The following NSUN6 variants were observed in gnomAD, a reference collection of about 807,000 sequenced individuals.
The protein encoded by NSUN6 is NOP2/Sun RNA methyltransferase 6.
A neutral mutation model predicts 58.0 loss-of-function variants in NSUN6; 64 were observed. The observed-to-expected ratio is 1.10, with a 90% CI of 0.90 to 1.36. The LOEUF (loss-of-function observed/expected upper bound fraction) is 1.36, where lower values mean the gene tolerates loss of function less well. Ranked by LOEUF, NSUN6 falls within the 40% of genes most tolerant of loss-of-function variation. The pLI is 0.00. For missense variants in NSUN6, 701 were observed against 550.1 expected (o/e 1.27, Z -2.74); for synonymous variants, 231 against 193.9 (o/e 1.19, Z -1.59).
In NSUN6 at chr10:18,600,959, T is replaced by TATATAC; in HGVS notation, c.658-4633_658-4632insGTATAT. ...AAAAAAAAATATATATATATATATA[T>TATATAC]ACATATATATATATATATGTATATA... is the stretch of plus-strand genomic sequence containing the variant. On this transcript the variant is annotated intron_variant, in intron 6 of 10. Transcript: ENST00000377304. 6.3e-4 allele frequency among the ~76,000 whole-genome samples: 41 copies of TATATAC among 64,882 alleles called. 1 individual carries two copies. In the East Asian group the frequency reaches 7.1e-3, roughly 11 times the overall value. The allele number at this position is 64,882 out of a possible 152,430, so 42.6% of individuals were successfully genotyped here.
Position 18,546,028 on chromosome 10 carries a change from G to GA in NSUN6, c.1314dup (p.Leu439SerfsTer2). 1 of 1,597,402 alleles carries GA rather than the reference G, an allele frequency of 6.3e-7. No homozygotes were observed. The highest frequency in any genetic ancestry group is 8.5e-7 in the Non-Finnish European group (1 of 1,174,564). ...ATGTCTTCTCTTCTGGCCTCTCTAA[G>GA]AGAGTCCATGTCAGTGTCCGGTAAT... On this transcript the variant is annotated frameshift_variant, in exon 11 of 11. Coordinates refer to ENST00000377304, the MANE Select transcript of NSUN6 (RefSeq NM_182543.5). LOFTEE classifies it high-confidence loss of function.
chr10:18,549,357 A>G (rs1252289812), intron 9 of NSUN6, among the ~76,000 whole-genome samples: 1 of 152,154 alleles, frequency 6.6e-6, no homozygotes, highest in Non-Finnish European at 1.5e-5. Context: ...AGCAGTTGGG[A>G]AAGCTCTCTT....
chr10:18,647,591 G>GT (rs1188983142), intron 2 of NSUN6, among the ~76,000 whole-genome samples: 1 of 152,120 alleles, frequency 6.6e-6, no homozygotes, highest in Non-Finnish European at 1.5e-5. Context: ...GTTTTCATCT[G>GT]TAAGAGGAAT....
chr10:18,585,043 C>A (rs1026954791), intron 8 of NSUN6, among the ~76,000 whole-genome samples: 6 of 150,636 alleles, frequency 4.0e-5, no homozygotes, highest in African/African-American at 1.5e-4. Flanking sequence ...ATACAAATAG[C>A]CAACAAGTTT....
At position 18,614,577 on chromosome 10, in the gene NSUN6, TC is replaced by T; in HGVS notation, c.457del (p.Asp153IlefsTer27). ...KAGDVISVYS[D>X]IKGKCKKGAK... ...TCCTTTCTTACATTTTCCTTTAATA[TC>T]AGAGTATACAGAAATAACATCTCCA... is the stretch of plus-strand genomic sequence containing the variant. On this transcript the variant is annotated frameshift_variant, in exon 5 of 11. Transcript: ENST00000377304. LOFTEE classifies it high-confidence loss of function. 5 of 1,499,392 alleles carry T rather than the reference TC, an allele frequency of 3.3e-6. No homozygotes were observed. The highest frequency in any genetic ancestry group is 4.5e-6 in the Non-Finnish European group (5 of 1,104,506). 92.9% of individuals were successfully genotyped at this position (1,499,392 alleles called of 1,614,324 possible). A position where few individuals can be genotyped will look rare whatever the true frequency, so the allele number is the denominator to read the frequency against.
At position 18,651,146 on chromosome 10, in the gene NSUN6, C is replaced by T. The variant is rs548780031; in HGVS notation, c.58G>A (p.Gly20Ser). Residue 20 changes from glycine to serine, a missense_variant, in exon 1 of 11, where the codon GGC (glycine) becomes AGC (serine). Transcript: ENST00000377304. ...RPEVENYLKE[G>S]FMNKEIVTAL... Reference sequence around the variant, plus strand: ...TGACCTACCTCCTTATTCATAAAGCCTTCCTTAAGATAGTTTTCAACCTCA... The same window carrying T: ...TGACCTACCTCCTTATTCATAAAGCTTTCCTTAAGATAGTTTTCAACCTCA... 3.2e-5 allele frequency: 50 copies of T among 1,574,792 alleles called. No homozygotes were observed. In the South Asian group the frequency reaches 5.4e-4, roughly 17 times the overall value.
intron 3 of NSUN6, among the ~76,000 whole-genome samples, chr10:18,623,568 G>C (rs1463628285): frequency 1.3e-5 from 2 of 152,136 alleles, no homozygotes; most frequent in Non-Finnish European, 2.9e-5. Flanking sequence ...AAAGAAATCA[G>C]AATCTAGGAA....
intron 3 of NSUN6, among the ~76,000 whole-genome samples, chr10:18,627,090 G>T (rs181258467): frequency 6.6e-6 from 1 of 152,272 alleles, no homozygotes; most frequent in East Asian, 1.9e-4. Flanking sequence ...CTGGCATTCA[G>T]TTTTCTCCTG....
intron 6 of NSUN6, among the ~76,000 whole-genome samples, chr10:18,604,114 G>A (rs550241110): frequency 1.4e-4 from 22 of 152,168 alleles, no homozygotes; most frequent in East Asian, 7.8e-4. Context: ...CCTGGGAGGC[G>A]GAGGCTGCAG....
intron 8 of NSUN6, among the ~76,000 whole-genome samples, chr10:18,576,960 C>T (rs879436351): frequency 1.4e-4 from 22 of 152,136 alleles, no homozygotes; most frequent in East Asian, 3.9e-4. Flanking sequence ...TCTATTTAGA[C>T]GCAATTGGAG....
chr10:18,652,882 A>C, upstream of NSUN6: 1 of 984,618 alleles, frequency 1.0e-6, no homozygotes, highest in Non-Finnish European at 1.2e-6. Context: ...TTAAAGAGTA[A>C]ATCAAGGTTC....
intron 3 of NSUN6, among the ~76,000 whole-genome samples, chr10:18,633,820 T>C (rs2059120979): frequency 6.6e-6 from 1 of 152,196 alleles, no homozygotes; most frequent in Admixed American, 6.5e-5. Flanking sequence ...CCAACTTTGT[T>C]GCTCCTGACT....
rs532431397 is a variant in NSUN6 at position 18,600,245 on chromosome 10, C to A, written c.658-3918G>T. ...AAACCAAAGCAAAACGAAAAAAAAA[C>A]CCCACAAATTTCCCAAATATTTTTG... is the stretch of plus-strand genomic sequence containing the variant. On this transcript the variant is annotated intron_variant, in intron 6 of 10. Coordinates refer to ENST00000377304, the MANE Select transcript of NSUN6 (RefSeq NM_182543.5). Among the ~76,000 whole-genome samples, 440 of 151,854 alleles carry A rather than the reference C, an allele frequency of 2.9e-3. 2 individuals are homozygous for A. The highest frequency in any genetic ancestry group is 0.016 in the South Asian group (75 of 4,798).
At chr10:18,556,796 T>A (rs1418636759) in intron 8 of NSUN6, among the ~76,000 whole-genome samples, 8 of 148,806 alleles carry the variant, frequency 5.4e-5, no homozygotes, top group African/African-American at 2.0e-4. Flanking sequence ...TGGAATGGAA[T>A]GGAGACTGAA....
intron 8 of NSUN6, among the ~76,000 whole-genome samples, chr10:18,565,869 C>CT (rs2055889867): frequency 6.7e-6 from 1 of 148,534 alleles, no homozygotes; most frequent in Admixed American, 6.7e-5. Context: ...CATTCCAGTT[C>CT]ATTCTGCATT....
chr10:18,619,277 G>A (rs1378254658), intron 3 of NSUN6, among the ~76,000 whole-genome samples: 1 of 152,156 alleles, frequency 6.6e-6, no homozygotes, highest in Non-Finnish European at 1.5e-5. Flanking sequence ...TCCAATTTAG[G>A]TTGCAGCAAT....
At position 18,545,955 on chromosome 10, in the gene NSUN6, A is replaced by G. The variant is rs2054227626; in HGVS notation, c.1388T>C (p.Phe463Ser). 1.9e-6 allele frequency: 3 copies of G among 1,581,648 alleles called. No homozygotes were observed. The highest frequency in any genetic ancestry group is 2.6e-6 in the Non-Finnish European group (3 of 1,168,496). Reference protein sequence around the residue: ...KDSIGFFIAKFVKCKST With the variant: ...KDSIGFFIAKSVKCKST ...CTCCTATGTGCTTTTGCATTTTACA[A>G]ATTTTGCAATAAAAAAACCTATAGA... The change falls in exon 11 of 11, where the codon TTT (phenylalanine) becomes TCT (serine). Residue 463 changes from phenylalanine (F) to serine (S), a missense_variant. Coordinates refer to ENST00000377304, the MANE Select transcript of NSUN6 (RefSeq NM_182543.5).
intron 8 of NSUN6, among the ~76,000 whole-genome samples, chr10:18,570,404 A>ATTCCG (rs2130965725): frequency 6.8e-6 from 1 of 147,526 alleles, no homozygotes; most frequent in South Asian, 2.2e-4. Context: ...ATTCCATTCC[A>ATTCCG]TTCCCTTCCA....
chr10:18,626,814 G>C (rs1178844565), intron 3 of NSUN6, among the ~76,000 whole-genome samples: 4 of 152,142 alleles, frequency 2.6e-5, no homozygotes, highest in Non-Finnish European at 1.5e-5. Flanking sequence ...TGAAAGAGAA[G>C]ACAAATCCAG....
Sources: gnomAD v4.1 joint callset for allele counts (sites outside exome capture counted in the v4.1 genomes callset) on GRCh38, gnomAD v4.1.1 for gene constraint, MANE v1.5 for transcripts, NCBI Gene and HGNC (gene_info 2026-07-23, HGNC 2026-07-21) for gene names.